Variants in KLHL1 observed in about 807,000 individuals in gnomAD.
KLHL1 encodes the protein kelch-like protein 1.
In KLHL1, 47 loss-of-function variants were observed where a neutral mutation model predicts 77.7. The ratio of observed to expected loss-of-function variants is 0.60; its 90% CI spans 0.48 to 0.77. The LOEUF is 0.77. KLHL1 is among the 30% of genes least tolerant of loss of function. The probability of loss-of-function intolerance (pLI) is 0.00; values close to 1 mark genes in which losing one functional copy is unlikely to be tolerated. For synonymous variants in KLHL1, 360 were observed against 325.2 expected, an observed-to-expected ratio of 1.11 and a Z score of -1.15; for missense variants, 925 against 910.8, an observed-to-expected ratio of 1.02 and a Z score of -0.20.
chr13:70,055,707 CTT>C (rs1191763318), intron 1 of KLHL1, among the ~76,000 whole-genome samples: 2 of 151,934 alleles, frequency 1.3e-5, no homozygotes, highest in Non-Finnish European at 2.9e-5. Context: ...ACAGTTTTCT[CTT>C]TGTTAATTGG....
chr13:69,701,940 T>C (rs1875414350), intron 10 of KLHL1, among the ~76,000 whole-genome samples, 179 bp from the exon 11 acceptor site: 1 of 151,720 alleles, frequency 6.6e-6, no homozygotes, highest in Non-Finnish European at 1.5e-5. Context: ...AAGCCATGAT[T>C]TGTATATTGA....
At chr13:70,025,342 A>C (rs911824417) in intron 1 of KLHL1, among the ~76,000 whole-genome samples, 12 of 152,174 alleles carry the variant, frequency 7.9e-5, no homozygotes, top group African/African-American at 2.9e-4. Flanking sequence ...GTTGACTTTG[A>C]GGTGGAATTA....
chr13:70,062,539 A>G (rs1004019052), intron 1 of KLHL1, among the ~76,000 whole-genome samples: 1 of 152,206 alleles, frequency 6.6e-6, no homozygotes, highest in Non-Finnish European at 1.5e-5. Flanking sequence ...ATGTATACCT[A>G]TGTAACAAAC....
At chr13:69,776,874 C>G (rs918685926) in intron 7 of KLHL1, among the ~76,000 whole-genome samples, 2 of 151,922 alleles carry the variant, frequency 1.3e-5, no homozygotes, top group Non-Finnish European at 2.9e-5. Context: ...CTAGATTGTC[C>G]TCATGTTTTC....
intron 6 of KLHL1, among the ~76,000 whole-genome samples, chr13:69,834,733 T>A (rs1651690258): frequency 6.6e-6 from 1 of 152,088 alleles, no homozygotes; most frequent in South Asian, 2.1e-4. Flanking sequence ...TGTCTATCAT[T>A]TGAAGAAGAG....
chr13:70,081,943 C>T (rs750253818), intron 1 of KLHL1, among the ~76,000 whole-genome samples: 10 of 152,122 alleles, frequency 6.6e-5, no homozygotes, highest in Admixed American at 1.3e-4. Flanking sequence ...TTGTAATCCC[C>T]AATGTGGGAG....
intron 4 of KLHL1, among the ~76,000 whole-genome samples, chr13:69,929,991 T>C (rs769224531): frequency 9.2e-5 from 14 of 151,854 alleles, no homozygotes; most frequent in Non-Finnish European, 1.9e-4. Flanking sequence ...CCAGCTGATT[T>C]GGGAAGTTGG....
At chr13:69,910,104 TC>T (rs1702670199) in intron 4 of KLHL1, among the ~76,000 whole-genome samples, 1 of 152,080 alleles carries the variant, frequency 6.6e-6, no homozygotes, top group Non-Finnish European at 1.5e-5. Context: ...TTCCCTGGCC[TC>T]CAAAATTTAG....
intron 5 of KLHL1, among the ~76,000 whole-genome samples, chr13:69,866,617 C>A (rs1880373722): frequency 6.6e-6 from 1 of 152,060 alleles, no homozygotes; most frequent in African/African-American, 2.4e-5. Context: ...AATTAAAATA[C>A]TTGAGAGATG....
intron 1 of KLHL1, among the ~76,000 whole-genome samples, chr13:69,995,698 C>A (rs1193639256): frequency 6.6e-6 from 1 of 152,014 alleles, no homozygotes; most frequent in South Asian, 2.1e-4. Flanking sequence ...CCTAAAATGC[C>A]ACAATATCCA....
chr13:69,737,202 T>C (rs1393958278), intron 8 of KLHL1, among the ~76,000 whole-genome samples: 1 of 152,218 alleles, frequency 6.6e-6, no homozygotes, highest in Non-Finnish European at 1.5e-5. Context: ...GGTCCCCTCA[T>C]GAGCCCATAC....
At chr13:69,785,618 G>A (rs914311831) in intron 7 of KLHL1, among the ~76,000 whole-genome samples, 33 of 146,162 alleles carry the variant, frequency 2.3e-4, no homozygotes, top group African/African-American at 4.1e-4. Flanking sequence ...AAGAGCAAAC[G>A]CATTCAAAAG....
intron 4 of KLHL1, among the ~76,000 whole-genome samples, chr13:69,905,116 G>T (rs2138233831): frequency 6.6e-6 from 1 of 152,176 alleles, no homozygotes; most frequent in South Asian, 2.1e-4. Context: ...TATCTGGGTT[G>T]GTTCAATTCC....
intron 1 of KLHL1, among the ~76,000 whole-genome samples, chr13:70,063,001 T>C (rs1010927149): frequency 2.0e-5 from 3 of 152,168 alleles, no homozygotes; most frequent in Non-Finnish European, 4.4e-5. Flanking sequence ...TCACTTAACC[T>C]TTCCCATTCA....
chr13:69,999,018 A>G (rs1885223311), intron 1 of KLHL1, among the ~76,000 whole-genome samples: 1 of 152,034 alleles, frequency 6.6e-6, no homozygotes, highest in Admixed American at 6.6e-5. Flanking sequence ...TCTTTTCAAC[A>G]TAGGCTTCCT....
intron 10 of KLHL1, among the ~76,000 whole-genome samples, chr13:69,706,740 G>T (rs1566350753): frequency 1.3e-5 from 2 of 152,090 alleles, no homozygotes; most frequent in African/African-American, 2.4e-5. Context: ...GGAGAAGAAT[G>T]AAAGTAAAGA....
chr13:69,927,123 T>A (rs943369233), intron 4 of KLHL1, among the ~76,000 whole-genome samples: 2 of 152,100 alleles, frequency 1.3e-5, no homozygotes, highest in South Asian at 4.1e-4. Flanking sequence ...AGTCAATTGA[T>A]CTTGGTGAAA....
chr13:69,828,741 T>G (rs1878643723), intron 6 of KLHL1, among the ~76,000 whole-genome samples: 1 of 150,196 alleles, frequency 6.7e-6, no homozygotes, highest in African/African-American at 2.5e-5. Context: ...AGGCTGGCCT[T>G]GCTGGCTGTG....
chr13:69,779,366 TCCTCCCCTCC>T (rs1484807310), intron 7 of KLHL1, among the ~76,000 whole-genome samples: 1 of 150,340 alleles, frequency 6.7e-6, no homozygotes, highest in Non-Finnish European at 1.5e-5. Flanking sequence ...TTCCTTTCCT[TCCTCCCCTCC>T]CCTCTCCTCC....
Sources: allele counts gnomAD v4.1 joint callset (sites outside exome capture counted in the v4.1 genomes callset), GRCh38; gene constraint gnomAD v4.1.1; transcripts MANE v1.5; gene names NCBI Gene and HGNC (gene_info 2026-07-23, HGNC 2026-07-21).